The following ARHGEF10L variants were observed in gnomAD, a reference collection of about 807,000 sequenced individuals.
ARHGEF10L encodes the protein rho guanine nucleotide exchange factor 10-like protein.
A neutral mutation model predicts 141.2 loss-of-function variants in ARHGEF10L; 69 were observed. That is an observed-to-expected ratio of 0.49 (90% CI 0.40 to 0.60). ARHGEF10L has a LOEUF of 0.60. ARHGEF10L is among the 20% of genes least tolerant of loss of function. The pLI is 0.00. For synonymous variants in ARHGEF10L, 711 were observed against 718.5 expected (o/e 0.99, Z 0.17); for missense variants, 1,482 against 1,734.3 (o/e 0.85, Z 2.58).
At chr1:17,547,058 C>A in intron 1 of ARHGEF10L, among the ~76,000 whole-genome samples, 1 of 152,256 alleles carries the variant, frequency 6.6e-6, no homozygotes, top group East Asian at 1.9e-4. Context: ...GCAGCGCCAA[C>A]CCTCCCAGGG....
chr1:17,632,517 T>C (rs777671026), intron 16 of ARHGEF10L, 51 bp downstream of exon 16: 19 of 1,610,728 alleles, frequency 1.2e-5, no homozygotes, highest in Non-Finnish European at 1.5e-5. Context: ...GGAGACCCCA[T>C]CCCGCCCTAC....
chr1:17,525,073 C>G, the ARHGEF10L span, among the ~76,000 whole-genome samples: 1 of 152,146 alleles, frequency 6.6e-6, no homozygotes, highest in Non-Finnish European at 1.5e-5. Context: ...AAACAGGGAG[C>G]TCTCCGGACC....
Position 17,580,551 on chromosome 1 carries a change from A to G in ARHGEF10L, c.-43-2A>G. 6.2e-7 allele frequency: 1 copy of G among 1,613,634 alleles called. No individual in the cohort carries two copies. Among genetic ancestry groups the G allele is most frequent in the Non-Finnish European group, 8.5e-7 (1 of 1,179,606 alleles). On this transcript the variant is annotated splice_acceptor_variant, in intron 1 of 28. Transcript: ENST00000361221. LOFTEE classifies it low-confidence loss of function (5UTR_SPLICE). ...ATGCGATTTCTGGTCTTCTTTCCAC[A>G]GGTGTGTAGCTGGGACGGTGCTGGT...
Position 17,613,964 on chromosome 1 carries a change from T to C in ARHGEF10L, c.726+790T>C, listed in dbSNP as rs536809877. 1.9e-3 allele frequency among the ~76,000 whole-genome samples: 295 copies of C among 152,362 alleles called. 3 individuals carry two copies. Among genetic ancestry groups the C allele is most frequent in the Non-Finnish European group, 6.5e-4 (44 of 68,026 alleles). On this transcript the variant is annotated intron_variant, in intron 8 of 28. Coordinates refer to ENST00000361221, the MANE Select transcript of ARHGEF10L (RefSeq NM_018125.4). ...ATCAGGCCTCTTGGGTGTACGGTGC[T>C]GTGCTGGGTCTAGAAGCTCAGTGGA...
intron 15 of ARHGEF10L, among the ~76,000 whole-genome samples, chr1:17,628,851 T>A (rs571358366): frequency 6.6e-6 from 1 of 152,108 alleles, no homozygotes; most frequent in Admixed American, 6.5e-5. Context: ...CTAACCTGCA[T>A]CAGCATCTTT....
intron 1 of ARHGEF10L, among the ~76,000 whole-genome samples, chr1:17,561,625 C>G (rs1041314584): frequency 6.6e-6 from 1 of 152,364 alleles, no homozygotes; most frequent in South Asian, 2.1e-4. Context: ...CGATGCTGCA[C>G]TCCTAGCTCC....
chr1:17,590,074 C>T (rs187407806), intron 4 of ARHGEF10L, among the ~76,000 whole-genome samples: 2 of 152,106 alleles, frequency 1.3e-5, no homozygotes, highest in South Asian at 2.1e-4. Context: ...TCTTGGAGAC[C>T]CCAGGAGTTA....
intron 6 of ARHGEF10L, among the ~76,000 whole-genome samples, chr1:17,606,817 G>C (rs2081220830): frequency 6.6e-6 from 1 of 152,170 alleles, no homozygotes. Flanking sequence ...CTGGGGCTGG[G>C]ACCCTGTGTT....
Position 17,580,635 on chromosome 1 carries a change from AC to A in ARHGEF10L, c.37+5del. 1 of 1,614,102 alleles carries A rather than the reference AC, an allele frequency of 6.2e-7. No individual in the cohort carries two copies. The highest frequency in any genetic ancestry group is 1.1e-5 in the South Asian group (1 of 91,078). On this transcript the variant is annotated splice_donor_region_variant and intron_variant, in intron 2 of 28. Coordinates refer to ENST00000361221, the MANE Select transcript of ARHGEF10L (RefSeq NM_018125.4). ...CCCTCCTCCACAGCCTGCCATAGGTACCGTACCCAGGGCTTCCTGTCCCTCT... is the reference window on the plus strand; with the variant it reads ...CCCTCCTCCACAGCCTGCCATAGGTACGTACCCAGGGCTTCCTGTCCCTCT...
intron 26 of ARHGEF10L, among the ~76,000 whole-genome samples, chr1:17,686,950 C>CT (rs2064655256): frequency 6.6e-6 from 1 of 151,710 alleles, no homozygotes; most frequent in South Asian, 2.1e-4. Flanking sequence ...TTCACCTGTT[C>CT]TTTTTTTAAT....
intron 15 of ARHGEF10L, among the ~76,000 whole-genome samples, chr1:17,629,890 G>A (rs547548803): frequency 2.0e-5 from 3 of 152,358 alleles, no homozygotes; most frequent in Admixed American, 6.5e-5. Flanking sequence ...ACAGTGGGGA[G>A]AGGCCTCTTG....
chr1:17,622,851 G>C, intron 11 of ARHGEF10L, 145 bp from the exon 12 acceptor site: 1 of 780,272 alleles, frequency 1.3e-6, no homozygotes, highest in Non-Finnish European at 2.0e-6. Context: ...AGATCCTTCC[G>C]GAAGGACGCA....
At chr1:17,587,334 C>G in intron 2 of ARHGEF10L, 126 bp from the exon 3 acceptor site, 1 of 964,002 alleles carries the variant, frequency 1.0e-6, no homozygotes, top group Non-Finnish European at 1.5e-6. Flanking sequence ...AGTTTGATGG[C>G]TCTCATTCCC....
intron 1 of ARHGEF10L, among the ~76,000 whole-genome samples, chr1:17,552,571 GTTTTTTTTTTTTTTTTTT>G (rs34766409): frequency 0.23 from 10,360 of 45,428 alleles, 711 homozygotes; most frequent in Middle Eastern, 0.31. Context: ...GCTAATTTTC[GTTTTTTTTTTTTTTTTTT>G]TTTTTTTTTT....
At position 17,668,213 on chromosome 1, in the gene ARHGEF10L, G is replaced by A. The variant is rs59462777; in HGVS notation, c.3009+3618G>A. Reference sequence around the variant, plus strand: ...TTAAATCCGCATTGCTGTATATGTCGTTTATTTGGAAAATCAAGCTGCTCC... The same window carrying A: ...TTAAATCCGCATTGCTGTATATGTCATTTATTTGGAAAATCAAGCTGCTCC... On this transcript the variant is annotated intron_variant, in intron 26 of 28. Coordinates refer to ENST00000361221, the MANE Select transcript of ARHGEF10L (RefSeq NM_018125.4). Among the ~76,000 whole-genome samples, 614 of 152,330 alleles carry A rather than the reference G, an allele frequency of 4.0e-3. 7 individuals carry two copies. Among genetic ancestry groups the A allele is most frequent in the African/African-American group, 0.014 (596 of 41,568 alleles).
At chr1:17,564,428 G>T (rs1449816055) in intron 1 of ARHGEF10L, among the ~76,000 whole-genome samples, 1 of 152,204 alleles carries the variant, frequency 6.6e-6, no homozygotes, top group Non-Finnish European at 1.5e-5. Flanking sequence ...TTCTCCTCCT[G>T]ATGTGCTGTC....
chr1:17,697,407 C>G lies in ARHGEF10L; in HGVS notation c.*27C>G. 6 of 1,560,736 alleles carry G rather than the reference C, an allele frequency of 3.8e-6. No individual in the cohort carries two copies. The highest frequency in any genetic ancestry group is 5.2e-6 in the Non-Finnish European group (6 of 1,151,274). Reference sequence around the variant, plus strand: ...GCCTCCCCTCTCCCCTCAGAGGGCACAGCTGCAGGCCTGACCAAGGCCACG... The same window carrying G: ...GCCTCCCCTCTCCCCTCAGAGGGCAGAGCTGCAGGCCTGACCAAGGCCACG... On this transcript the variant is annotated 3_prime_UTR_variant, in exon 29 of 29. Transcript: ENST00000361221. The surrounding 1 kb of genome is among the most constrained non-coding windows in gnomAD (Gnocchi z 4.8).
intron 1 of ARHGEF10L, among the ~76,000 whole-genome samples, chr1:17,556,678 C>G (rs2077340874): frequency 6.6e-6 from 1 of 152,154 alleles, no homozygotes; most frequent in Admixed American, 6.5e-5. Context: ...TAATGTGAGC[C>G]AGGGTCACCC....
In ARHGEF10L at chr1:17,570,523, T is replaced by G. The variant is rs181763438; in HGVS notation, c.-43-10030T>G. ...CTAGAGTGAGCTGTGTGGAGAGAGGTAGGACATGAAGTCGGGGGGGTTGTG... is the reference window on the plus strand; with the variant it reads ...CTAGAGTGAGCTGTGTGGAGAGAGGGAGGACATGAAGTCGGGGGGGTTGTG... On this transcript the variant is annotated intron_variant, in intron 1 of 28. Coordinates refer to ENST00000361221, the MANE Select transcript of ARHGEF10L (RefSeq NM_018125.4). 3.0e-3 allele frequency among the ~76,000 whole-genome samples: 435 copies of G among 146,744 alleles called. 4 individuals are homozygous for G. The highest frequency in any genetic ancestry group is 0.01 in the African/African-American group (397 of 39,306).
Sources: allele counts gnomAD v4.1 joint callset (sites outside exome capture counted in the v4.1 genomes callset), GRCh38; gene constraint gnomAD v4.1.1; non-coding constraint Gnocchi (gnomAD v3.1); transcripts MANE v1.5; gene names NCBI Gene and HGNC (gene_info 2026-07-23, HGNC 2026-07-21).